ATP6V0E1: variants seen among roughly 807,000 people sequenced by gnomAD.
ATP6V0E1 encodes the protein V-type proton ATPase subunit e 1.
In ATP6V0E1, 4 loss-of-function variants were observed where a neutral mutation model predicts 11.6. That is an observed-to-expected ratio of 0.35 (90% CI 0.17 to 0.79). The LOEUF (loss-of-function observed/expected upper bound fraction) is 0.79. Ranked by LOEUF, ATP6V0E1 falls within the 30% of genes least tolerant of loss-of-function variation. ATP6V0E1 has a pLI of 0.54. For synonymous variants in ATP6V0E1, 36 were observed against 34.8 expected (o/e 1.04, Z -0.13); for missense variants, 105 against 100.0 (o/e 1.05, Z -0.21).
chr5:172,999,472 C>T (rs976960889), intron 2 of ATP6V0E1, among the ~76,000 whole-genome samples: 15 of 152,120 alleles, frequency 9.9e-5, no homozygotes, highest in African/African-American at 3.1e-4. Flanking sequence ...TACAGACATA[C>T]ACCACCACAC....
intron 2 of ATP6V0E1, among the ~76,000 whole-genome samples, chr5:173,009,521 G>A (rs1009038804): frequency 7.0e-6 from 1 of 143,128 alleles, no homozygotes; most frequent in African/African-American, 2.7e-5. Flanking sequence ...CTGGAGTGCA[G>A]TGGTGCAATC....
intron 2 of ATP6V0E1, among the ~76,000 whole-genome samples, chr5:173,009,176 A>G (rs1756277008): frequency 6.6e-6 from 1 of 152,074 alleles, no homozygotes; most frequent in African/African-American, 2.4e-5. Context: ...TGGTGAGCCA[A>G]GATTGCACCA....
At chr5:172,990,227 A>G (rs959587708) in intron 1 of ATP6V0E1, among the ~76,000 whole-genome samples, 1 of 152,120 alleles carries the variant, frequency 6.6e-6, no homozygotes, top group Non-Finnish European at 1.5e-5. Flanking sequence ...GGATGACCTA[A>G]ATAAAGCCCC....
chr5:172,997,867 A>C (rs1756091466), intron 2 of ATP6V0E1, among the ~76,000 whole-genome samples: 1 of 151,898 alleles, frequency 6.6e-6, no homozygotes, highest in African/African-American at 2.4e-5. Context: ...CTGTAATCCC[A>C]CCACTTTGGG....
At chr5:172,986,651 C>CAA in intron 1 of ATP6V0E1, 1 of 432,748 alleles carries the variant, frequency 2.3e-6, no homozygotes, top group Admixed American at 2.6e-5. Context: ...AGTCCAGTGT[C>CAA]AGAGTCTGGG....
intron 3 of ATP6V0E1, among the ~76,000 whole-genome samples, chr5:173,024,284 T>G (rs930516833): frequency 3.0e-4 from 45 of 151,784 alleles, no homozygotes; most frequent in African/African-American, 1.0e-3. Context: ...TTAATTTTCA[T>G]AGTAAGATGT....
intron 2 of ATP6V0E1, among the ~76,000 whole-genome samples, chr5:173,014,778 G>A (rs1051196778): frequency 5.4e-5 from 8 of 148,708 alleles, no homozygotes; most frequent in Middle Eastern, 3.4e-3. Flanking sequence ...TGGGGTACCC[G>A]TAAAATGGGC....
intron 2 of ATP6V0E1, among the ~76,000 whole-genome samples, chr5:173,009,930 A>G (rs1426248592): frequency 1.3e-5 from 2 of 150,338 alleles, no homozygotes; most frequent in African/African-American, 4.9e-5. Flanking sequence ...CGCCTGGCCA[A>G]TTTTTGTATT....
rs141527978 is a variant in ATP6V0E1, at chr5:173,021,371, G to A, written c.*36+1004G>A. Among the ~76,000 whole-genome samples the A allele has an allele frequency of 6.1e-3, 920 of 151,896 alleles. 6 individuals carry two copies. The highest frequency in any genetic ancestry group is 0.031 in the South Asian group (148 of 4,818). On this transcript the variant is annotated intron_variant, in intron 3 of 3. Transcript: ENST00000519374. ...TGGCTGGGGAGGCCTCACAATAATG[G>A]CGGAGGATGAAAGGCAGTTCTTACA...
intron 2 of ATP6V0E1, among the ~76,000 whole-genome samples, chr5:173,017,567 C>G (rs6877459): frequency 0.011 from 1,308 of 124,468 alleles, 20 homozygotes; most frequent in African/African-American, 0.038. Context: ...TCCTGGCCGG[C>G]TGCAGTGGCT....
At chr5:173,004,979 T>C (rs1345590611) in intron 2 of ATP6V0E1, among the ~76,000 whole-genome samples, 2 of 152,232 alleles carry the variant, frequency 1.3e-5, no homozygotes, top group African/African-American at 2.4e-5. Flanking sequence ...TGAGTCTGGC[T>C]CTGGATTGCC....
At chr5:173,024,845 TC>T (rs1245354440) in intron 3 of ATP6V0E1, among the ~76,000 whole-genome samples, 3 of 146,682 alleles carry the variant, frequency 2.0e-5, no homozygotes, top group Non-Finnish European at 3.0e-5. Context: ...TTTTCTTTTT[TC>T]TTTTTTTTTT....
At chr5:173,023,196 T>C (rs1226430716) in intron 3 of ATP6V0E1, among the ~76,000 whole-genome samples, 1 of 58,308 alleles carries the variant, frequency 1.7e-5, no homozygotes, top group Non-Finnish European at 2.6e-5. Flanking sequence ...TATTTATTTA[T>C]TTATTTATTC....
intron 2 of ATP6V0E1, among the ~76,000 whole-genome samples, chr5:173,012,176 CA>C (rs1282817830): frequency 2.6e-5 from 4 of 151,926 alleles, no homozygotes; most frequent in African/African-American, 9.7e-5. Context: ...CTACTACATC[CA>C]TGTGCTACTG....
rs886534607 is a variant in ATP6V0E1 at position 173,024,070 on chromosome 5, C to T, written c.*36+3703C>T. On this transcript the variant is annotated intron_variant, in intron 3 of 3. Coordinates refer to ENST00000519374, the MANE Select transcript of ATP6V0E1 (RefSeq NM_003945.4). The stretch of plus-strand genomic sequence containing the variant: ...AAAATTAGCCAGGCATGGTGGTGGG[C>T]GCCTGTAGTCCCAGCGACTTGGGAA... Among the ~76,000 whole-genome samples the T allele has an allele frequency of 3.3e-5, 5 of 151,572 alleles. No individual in the cohort carries two copies. In the South Asian group the frequency reaches 6.3e-4, roughly 19 times the overall value.
At chr5:172,993,359 A>G (rs939543766) in intron 1 of ATP6V0E1, among the ~76,000 whole-genome samples, 1 of 151,538 alleles carries the variant, frequency 6.6e-6, no homozygotes, top group African/African-American at 2.4e-5. Context: ...AAATACAAAA[A>G]TTAGCCGGGC....
intron 3 of ATP6V0E1, 36 bp downstream of exon 3, chr5:173,020,403 C>CACA: frequency 7.8e-7 from 1 of 1,289,602 alleles, no homozygotes; most frequent in Non-Finnish European, 1.1e-6. Context: ...TCAGTATGGT[C>CACA]AGGCAGTCAG....
At chr5:173,005,145 C>T (rs1412370403) in intron 2 of ATP6V0E1, among the ~76,000 whole-genome samples, 1 of 149,162 alleles carries the variant, frequency 6.7e-6, no homozygotes, top group East Asian at 2.1e-4. Context: ...TTAAAATCAA[C>T]TAGGCAGTTT....
intron 3 of ATP6V0E1, among the ~76,000 whole-genome samples, chr5:173,023,456 A>G (rs1370992530): frequency 6.6e-6 from 1 of 152,238 alleles, no homozygotes; most frequent in African/African-American, 2.4e-5. Context: ...TAGGCCTCCC[A>G]AAATACTGGG....
Sources: gnomAD v4.1 joint callset for allele counts (sites outside exome capture counted in the v4.1 genomes callset) on GRCh38, gnomAD v4.1.1 for gene constraint, MANE v1.5 for transcripts, NCBI Gene and HGNC (gene_info 2026-07-23, HGNC 2026-07-21) for gene names.